Variants in ERMP1 observed in about 807,000 individuals in gnomAD.
ERMP1 encodes the protein endoplasmic reticulum metallopeptidase 1.
Under a neutral mutation model 92.0 loss-of-function variants are expected in ERMP1, and 86 were observed. The ratio of observed to expected loss-of-function variants is 0.93; its 90% confidence interval spans 0.79 to 1.12. ERMP1 has a LOEUF of 1.12. Among genes scored for constraint, ERMP1 ranks in the 50% most tolerant of loss-of-function variants. The pLI is 0.00. For missense variants in ERMP1, 1,342 were observed against 1,116.3 expected (o/e 1.20, Z -2.88); for synonymous variants, 530 against 412.8 (o/e 1.28, Z -3.44).
chr9:5,793,886 G>A (rs1056726308), intron 13 of ERMP1, among the ~76,000 whole-genome samples: 1 of 152,044 alleles, frequency 6.6e-6, no homozygotes, highest in African/African-American at 2.4e-5. Context: ...TCAATAGGCA[G>A]AAAATCAGTA....
upstream of ERMP1, among the ~76,000 whole-genome samples, chr9:5,835,752 A>AT (rs1038977723): frequency 1.6e-4 from 25 of 152,330 alleles, no homozygotes; most frequent in Non-Finnish European, 3.5e-4. Flanking sequence ...AGGTGATGTT[A>AT]TATAAGATCA....
In ERMP1 at chr9:5,805,201, A is replaced by C. The variant is rs752193550; in HGVS notation, c.1740T>G (p.Phe580Leu). 1.2e-6 allele frequency: 2 copies of C among 1,606,768 alleles called. No homozygotes were observed. The highest frequency in any genetic ancestry group is 1.7e-6 in the Non-Finnish European group (2 of 1,177,990). The change falls in exon 10 of 15, where the codon TTT (phenylalanine) becomes TTG (leucine). Residue 580 changes from phenylalanine to leucine, a missense_variant. Physicochemically the swap from Phe to Leu is conservative, Grantham distance 22. Coordinates refer to ENST00000339450, the MANE Select transcript of ERMP1 (RefSeq NM_024896.3). ...DFKQHGAQGK[F>L]IAFYLLGMFI... ...ACATCCCCAAAAGGTAAAAAGCAAT[A>C]AATTTTCCTTGGGCACCTAGGGAAA...
chr9:5,802,630 C>G (rs1250982233), intron 10 of ERMP1, among the ~76,000 whole-genome samples: 1 of 152,208 alleles, frequency 6.6e-6, no homozygotes, highest in Admixed American at 6.5e-5. Flanking sequence ...AAGTCATCCA[C>G]CCGCCTCAGC....
In ERMP1 at chr9:5,812,139, G is replaced by C. The variant is rs147751201; in HGVS notation, c.1100C>G (p.Ser367Cys). The C allele has an allele frequency of 2.5e-6, 4 of 1,603,716 alleles. No homozygotes were observed. In the African/African-American group the frequency reaches 5.4e-5, roughly 22 times the overall value. The change falls in exon 6 of 15, where the codon TCC (serine) becomes TGC (cysteine). Residue 367 changes from serine to cysteine, a missense_variant. Transcript: ENST00000339450. Reference sequence around the variant, plus strand: ...GGAATACCAACCTGCTCTCTGAATGGAATCTGTTAGAATTCTGTCCGCTGT... The same window carrying C: ...GGAATACCAACCTGCTCTCTGAATGCAATCTGTTAGAATTCTGTCCGCTGT... ...YDTADRILTD[S>C]IQRAGDNILA...
intron 4 of ERMP1, among the ~76,000 whole-genome samples, chr9:5,814,530 G>C (rs1222422891): frequency 1.3e-5 from 2 of 152,132 alleles, no homozygotes; most frequent in Non-Finnish European, 2.9e-5. Context: ...AGCACCTGAG[G>C]TCAGGCATTT....
rs1430456278 is a variant in ERMP1, at chr9:5,786,482, A to G, written c.*662T>C. The G allele has an allele frequency of 6.6e-6, 1 of 152,442 alleles. No homozygotes were observed. Among genetic ancestry groups the G allele is most frequent in the Non-Finnish European group, 1.5e-5 (1 of 68,178 alleles). 9.4% of individuals were successfully genotyped at this position (152,442 alleles called of 1,614,324 possible). A position where few individuals can be genotyped will look rare whatever the true frequency, so the allele number is the denominator to read the frequency against. ...AACAGGCATAGAAAACCACCTCAGG[A>G]AAGCAGCACAGCAGTGCATCTGTGT... On this transcript the variant is annotated 3_prime_UTR_variant, in exon 15 of 15. Coordinates refer to ENST00000339450, the MANE Select transcript of ERMP1 (RefSeq NM_024896.3).
intron 6 of ERMP1, among the ~76,000 whole-genome samples, chr9:5,858,521 C>A (rs1830412888): frequency 1.3e-5 from 2 of 152,220 alleles, no homozygotes; most frequent in Non-Finnish European, 2.9e-5. Context: ...CAGTGTCCTG[C>A]ACACCTCCAC....
intron 4 of ERMP1, among the ~76,000 whole-genome samples, chr9:5,818,268 A>C (rs1323554896): frequency 1.3e-5 from 2 of 152,298 alleles, no homozygotes; most frequent in African/African-American, 4.8e-5. Context: ...TTGTGATAAA[A>C]GTGGTTTTCT....
At position 5,811,156 on chromosome 9, in the gene ERMP1, C is replaced by G. The variant is rs1286322291; in HGVS notation, c.1282G>C (p.Val428Leu). ...AATTTTTTGCCCAGGTACAAAACAACACCCATTACCACCATGTAGTTTATG... is the reference window on the plus strand; with the variant it reads ...AATTTTTTGCCCAGGTACAAAACAAGACCCATTACCACCATGTAGTTTATG... ...SIINYMVVMG[V>L]VLYLGKKFLQ... The change falls in exon 7 of 15, where the codon GTT becomes CTT. Residue 428 changes from valine to leucine, a missense_variant. By Grantham distance (32) the Val-to-Leu change is conservative. Transcript: ENST00000339450. The G allele has an allele frequency of 6.2e-7, 1 of 1,613,900 alleles. No homozygotes were observed. The highest frequency in any genetic ancestry group is 8.5e-7 in the Non-Finnish European group (1 of 1,179,934).
At chr9:5,834,270 T>A (rs560063231), upstream of ERMP1, among the ~76,000 whole-genome samples, 3 of 152,314 alleles carry the variant, frequency 2.0e-5, no homozygotes, top group Non-Finnish European at 4.4e-5. Context: ...TAACTCCTAG[T>A]TATCCTTTAA....
At position 5,809,997 on chromosome 9, in the gene ERMP1, T is replaced by C. The variant is rs370177285; in HGVS notation, c.1548+14A>G. ...GGCAACAGAAAGAAATCAACAAATA[T>C]ACCAAACACTTACCATGTAATAAAA... On this transcript the variant is annotated intron_variant, in intron 8 of 14. Coordinates refer to ENST00000339450, the MANE Select transcript of ERMP1 (RefSeq NM_024896.3). 8.7e-5 allele frequency: 133 copies of C among 1,532,640 alleles called. 1 individual carries two copies. In the Middle Eastern group the frequency reaches 1.4e-3, roughly 16 times the overall value. The allele number at this position is 1,532,640 out of a possible 1,614,324, so 94.9% of individuals were successfully genotyped here. A position where few individuals can be genotyped will look rare whatever the true frequency, so the allele number is the denominator to read the frequency against.
intron 10 of ERMP1, among the ~76,000 whole-genome samples, 188 bp downstream of exon 10, chr9:5,804,839 C>G (rs958519866): frequency 4.6e-5 from 7 of 151,730 alleles, no homozygotes; most frequent in Admixed American, 2.6e-4. Flanking sequence ...TAAACAGCAA[C>G]AACAAACTCT....
chr9:5,796,045 T>A (rs959045367), intron 13 of ERMP1, among the ~76,000 whole-genome samples: 1 of 152,118 alleles, frequency 6.6e-6, no homozygotes, highest in African/African-American at 2.4e-5. Context: ...ACTACAGAAC[T>A]GATGAAAGAA....
At chr9:5,817,642 T>C (rs1186123482) in intron 4 of ERMP1, among the ~76,000 whole-genome samples, 1 of 152,220 alleles carries the variant, frequency 6.6e-6, no homozygotes, top group African/African-American at 2.4e-5. Context: ...TCCAGCTTCT[T>C]GTGTGTTCAT....
At chr9:5,824,448 G>T (rs1329997956) in intron 3 of ERMP1, among the ~76,000 whole-genome samples, 2 of 152,180 alleles carry the variant, frequency 1.3e-5, no homozygotes, top group East Asian at 3.8e-4. Context: ...TGTGGCCCAG[G>T]CTGGAGTGCA....
rs1468903922 is a variant in ERMP1 at position 5,786,993 on chromosome 9, C to T, written c.*151G>A. The T allele has an allele frequency of 4.1e-6, 3 of 728,274 alleles. No individual in the cohort carries two copies. Among genetic ancestry groups the T allele is most frequent in the South Asian group, 1.9e-5 (1 of 52,080 alleles). The allele number at this position is 728,274 out of a possible 1,614,324, so 45.1% of individuals were successfully genotyped here. A position where few individuals can be genotyped will look rare whatever the true frequency, so the allele number is the denominator to read the frequency against. On this transcript the variant is annotated 3_prime_UTR_variant, in exon 15 of 15. Coordinates refer to ENST00000339450, the MANE Select transcript of ERMP1 (RefSeq NM_024896.3). ...GCGCCACAGCTAAACCCTTATAGTG[C>T]TTGGCCCTGAAAAGCGTTAACCCAG...
At chr9:5,807,226 A>G (rs527706982) in intron 8 of ERMP1, among the ~76,000 whole-genome samples, 32 of 152,290 alleles carry the variant, frequency 2.1e-4, no homozygotes, top group Non-Finnish European at 3.1e-4. Context: ...TCACAAAATC[A>G]CAAATTCTCT....
rs1417519420 is a variant in ERMP1, at chr9:5,785,519, G to C, written c.*1625C>G. ...CAGTGTGCAGTGCTGATGCATGTGT[G>C]AGCCTAACATGTTATTCAGCTCTGG... is the stretch of plus-strand genomic sequence containing the variant. On this transcript the variant is annotated 3_prime_UTR_variant, in exon 15 of 15. Coordinates refer to ENST00000339450, the MANE Select transcript of ERMP1 (RefSeq NM_024896.3). The C allele has an allele frequency of 6.6e-6, 1 of 152,308 alleles. No homozygotes were observed. The highest frequency in any genetic ancestry group is 2.4e-5 in the African/African-American group (1 of 41,444). 9.4% of individuals were successfully genotyped at this position (152,308 alleles called of 1,614,324 possible). A position where few individuals can be genotyped will look rare whatever the true frequency, so the allele number is the denominator to read the frequency against.
intron 6 of ERMP1, among the ~76,000 whole-genome samples, chr9:5,847,719 C>T (rs1830254851): frequency 1.3e-5 from 2 of 151,864 alleles, no homozygotes; most frequent in East Asian, 3.9e-4. Flanking sequence ...CACGGTAAAA[C>T]CCTGTGTCTA....
Sources: gnomAD v4.1 joint callset for allele counts (sites outside exome capture counted in the v4.1 genomes callset) on GRCh38, gnomAD v4.1.1 for gene constraint, MANE v1.5 for transcripts, NCBI Gene and HGNC (gene_info 2026-07-23, HGNC 2026-07-21) for gene names.